The following TNR variants were observed in gnomAD, a reference collection of about 807,000 sequenced individuals.
The protein encoded by TNR is tenascin-R.
In TNR, 45 loss-of-function variants were observed where a neutral mutation model predicts 150.4. That is an observed-to-expected ratio of 0.30 (90% CI 0.24 to 0.38). The LOEUF is 0.38. Ranked by LOEUF, TNR falls within the 10% of genes least tolerant of loss-of-function variation. TNR has a pLI of 1.00. For synonymous variants in TNR, 687 were observed against 678.4 expected, an observed-to-expected ratio of 1.01 and a Z score of -0.20; for missense variants, 1,544 against 1,759.1, an observed-to-expected ratio of 0.88 and a Z score of 2.19.
rs1406621546 is a variant in TNR at position 175,406,262 on chromosome 1, C to A, written c.453G>T (p.Leu151=). ...IEMLEREVSV[L]RDQCNANCCQ... is the part of the protein sequence containing the mutation. ...AGCAGTTGGCGTTGCACTGGTCTCG[C>A]AGCACCGACACCTCCCTCTCCAGCA... The change falls in exon 3 of 23, where the codon CTG becomes CTT. Residue 151 remains leucine, a synonymous_variant. Transcript: ENST00000367674. 1.2e-6 allele frequency: 2 copies of A among 1,614,186 alleles called. No individual in the cohort carries two copies.
chr1:175,359,483 C>A, intron 15 of TNR, 129 bp downstream of exon 15: 1 of 1,455,090 alleles, frequency 6.9e-7, no homozygotes. Flanking sequence ...CATAGTATAC[C>A]TGAAGTAGGA....
intron 1 of TNR, among the ~76,000 whole-genome samples, chr1:175,616,673 T>C (rs1361816385): frequency 6.6e-6 from 1 of 152,172 alleles, no homozygotes; most frequent in African/African-American, 2.4e-5. Context: ...TGTCTGGGCG[T>C]TGGCATGTAG....
At chr1:175,603,904 G>A (rs1048595282) in intron 1 of TNR, among the ~76,000 whole-genome samples, 1 of 152,200 alleles carries the variant, frequency 6.6e-6, no homozygotes, top group South Asian at 2.1e-4. Flanking sequence ...CCTGAGAAAC[G>A]ATTCCAGCTT....
chr1:175,349,680 A>C (rs1650963444), intron 18 of TNR, among the ~76,000 whole-genome samples: 1 of 152,176 alleles, frequency 6.6e-6, no homozygotes, highest in African/African-American at 2.4e-5. Context: ...ACAGACTGGG[A>C]CCTTGCTGGA....
chr1:175,425,158 G>T (rs1654916127), intron 2 of TNR, among the ~76,000 whole-genome samples: 1 of 152,162 alleles, frequency 6.6e-6, no homozygotes, highest in Non-Finnish European at 1.5e-5. Flanking sequence ...TGTGCCATAG[G>T]TGTGGAGCTT....
At chr1:175,454,991 G>A (rs1656502054) in intron 2 of TNR, among the ~76,000 whole-genome samples, 2 of 152,302 alleles carry the variant, frequency 1.3e-5, no homozygotes, top group South Asian at 4.1e-4. Context: ...GTGATGTTCT[G>A]TGTCTTCTGA....
chr1:175,517,183 C>T lies in TNR; in HGVS notation c.-64+11086G>A, dbSNP rs543118935. 1.3e-4 allele frequency among the ~76,000 whole-genome samples: 20 copies of T among 152,304 alleles called. No homozygotes were observed. The South Asian group carries it at 4.2e-3, about 32-fold the overall frequency. ...GACACTTTCCCCTACCTCCCCCCAA[C>T]ATTTCCTCCTCTGCTCTTCTCACAT... On this transcript the variant is annotated intron_variant, in intron 2 of 22. Transcript: ENST00000367674.
rs915001366 is a variant in TNR at position 175,579,437 on chromosome 1, T to A, written c.-164-51068A>T. ...GAGCAGGTTCAATACGGAAGATAGG[T>A]GGGACTGGCAGACCAGGCAGAAGGG... On this transcript the variant is annotated intron_variant, in intron 1 of 22. Coordinates refer to ENST00000367674, the MANE Select transcript of TNR (RefSeq NM_003285.3). Among the ~76,000 whole-genome samples, 7 of 151,548 alleles carry A rather than the reference T, an allele frequency of 4.6e-5. No homozygotes were observed. The East Asian group carries it at 1.4e-3, about 29-fold the overall frequency.
intron 13 of TNR, 117 bp from the exon 14 acceptor site, chr1:175,362,926 G>T: frequency 8.0e-7 from 1 of 1,255,572 alleles, no homozygotes; most frequent in African/African-American, 1.5e-5. Context: ...TCAGTGGGGA[G>T]GGATGATACA....
At chr1:175,709,169 A>T (rs940188069) in intron 1 of TNR, among the ~76,000 whole-genome samples, 1 of 152,038 alleles carries the variant, frequency 6.6e-6, no homozygotes, top group African/African-American at 2.4e-5. Flanking sequence ...GGCCTCCTCC[A>T]CTTCTCCATC....
At chr1:175,527,235 G>T (rs1659880646) in intron 2 of TNR, among the ~76,000 whole-genome samples, 1 of 152,196 alleles carries the variant, frequency 6.6e-6, no homozygotes, top group African/African-American at 2.4e-5. Context: ...AGTGTGAATG[G>T]TTGATAGCCA....
intron 2 of TNR, among the ~76,000 whole-genome samples, chr1:175,478,887 T>C (rs943499459): frequency 7.2e-5 from 11 of 152,154 alleles, no homozygotes; most frequent in African/African-American, 2.7e-4. Context: ...ACTATACAAA[T>C]GCAGACATTA....
intron 1 of TNR, among the ~76,000 whole-genome samples, chr1:175,670,047 C>T (rs560011964): frequency 1.3e-5 from 2 of 152,308 alleles, no homozygotes; most frequent in East Asian, 3.9e-4. Flanking sequence ...ACAGCATGGC[C>T]TCTCCCTTTA....
chr1:175,720,296 G>A (rs916438886), intron 1 of TNR, among the ~76,000 whole-genome samples: 1 of 152,168 alleles, frequency 6.6e-6, no homozygotes, highest in Non-Finnish European at 1.5e-5. Context: ...AGGATACACT[G>A]ACAAGTTGAT....
intron 1 of TNR, among the ~76,000 whole-genome samples, chr1:175,668,944 A>G (rs530211097): frequency 6.6e-6 from 1 of 152,196 alleles, no homozygotes; most frequent in Admixed American, 6.5e-5. Context: ...TGGCAGCCCC[A>G]CTTGCTCAGT....
chr1:175,716,055 G>A (rs1321618333), intron 1 of TNR, among the ~76,000 whole-genome samples: 2 of 152,120 alleles, frequency 1.3e-5, no homozygotes, highest in African/African-American at 2.4e-5. Flanking sequence ...CGCAGACACT[G>A]GCCTTGGCTA....
intron 12 of TNR, among the ~76,000 whole-genome samples, chr1:175,364,783 T>C (rs556643656): frequency 6.6e-6 from 1 of 152,350 alleles, no homozygotes; most frequent in South Asian, 2.1e-4. Context: ...AGCTTTGACC[T>C]CCTCAAGACA....
chr1:175,617,293 A>G (rs1382645853), intron 1 of TNR, among the ~76,000 whole-genome samples: 1 of 152,124 alleles, frequency 6.6e-6, no homozygotes, highest in Non-Finnish European at 1.5e-5. Context: ...TTACCCTTTT[A>G]GGTGTTGGTC....
chr1:175,676,244 C>T (rs534342299), intron 1 of TNR, among the ~76,000 whole-genome samples: 1 of 152,250 alleles, frequency 6.6e-6, no homozygotes, highest in South Asian at 2.1e-4. Context: ...CCAAGGCAAA[C>T]CTGAGAGGCA....
Sources: allele counts gnomAD v4.1 joint callset (sites outside exome capture counted in the v4.1 genomes callset), GRCh38; gene constraint gnomAD v4.1.1; transcripts MANE v1.5; gene names NCBI Gene and HGNC (gene_info 2026-07-23, HGNC 2026-07-21).